Variants in PCDH15 observed in about 807,000 individuals in gnomAD.
The protein encoded by PCDH15 is protocadherin-15.
A neutral mutation model predicts 178.5 loss-of-function variants in PCDH15; 129 were observed. The ratio of observed to expected loss-of-function variants is 0.72; its 90% confidence interval spans 0.63 to 0.84. The LOEUF is 0.84. Among genes scored for constraint, PCDH15 ranks in the 40% least tolerant of loss-of-function variants. The pLI is 0.00. For missense variants in PCDH15, 2,230 were observed against 2,099.9 expected, an observed-to-expected ratio of 1.06 and a Z score of -1.21; for synonymous variants, 800 against 732.0, an observed-to-expected ratio of 1.09 and a Z score of -1.50.
chr10:54,841,672 A>G (rs902999057), intron 3 of PCDH15, among the ~76,000 whole-genome samples: 1 of 151,826 alleles, frequency 6.6e-6, no homozygotes, highest in African/African-American at 2.4e-5. Context: ...TTAAGCTAAT[A>G]TTTTCTCCAA....
chr10:54,863,960 G>A (rs1432468970), intron 3 of PCDH15, among the ~76,000 whole-genome samples: 1 of 152,124 alleles, frequency 6.6e-6, no homozygotes, highest in Admixed American at 6.6e-5. Flanking sequence ...TTAAATAACT[G>A]ATCATATTTA....
At chr10:54,907,020 A>G (rs1350451362) in intron 2 of PCDH15, among the ~76,000 whole-genome samples, 1 of 152,126 alleles carries the variant, frequency 6.6e-6, no homozygotes, top group African/African-American at 2.4e-5. Flanking sequence ...TAATGGATCC[A>G]TGTTTTCTGC....
intron 2 of PCDH15, among the ~76,000 whole-genome samples, chr10:55,055,486 C>G (rs1442010548): frequency 6.6e-6 from 1 of 152,064 alleles, no homozygotes; most frequent in Non-Finnish European, 1.5e-5. Flanking sequence ...CATTTTGAAA[C>G]AACATAATAC....
chr10:54,890,596 C>T (rs1005826759), intron 3 of PCDH15, among the ~76,000 whole-genome samples: 1 of 151,820 alleles, frequency 6.6e-6, no homozygotes, highest in African/African-American at 2.4e-5. Flanking sequence ...CTTTTAGGCT[C>T]CATGTTTGAC....
At chr10:55,053,210 GC>G (rs1365286008) in intron 2 of PCDH15, among the ~76,000 whole-genome samples, 6 of 152,078 alleles carry the variant, frequency 3.9e-5, no homozygotes, top group African/African-American at 1.2e-4. Flanking sequence ...TTGACTGTCA[GC>G]CTAATTGGAA....
intron 20 of PCDH15, among the ~76,000 whole-genome samples, chr10:54,009,740 A>G (rs1370386238): frequency 6.6e-6 from 1 of 152,142 alleles, no homozygotes; most frequent in Non-Finnish European, 1.5e-5. Flanking sequence ...AACAGTGAGT[A>G]AGTGAGTCCC....
intron 2 of PCDH15, among the ~76,000 whole-genome samples, chr10:55,152,084 A>G (rs942732372): frequency 3.9e-5 from 6 of 152,108 alleles, no homozygotes; most frequent in Admixed American, 6.6e-5. Context: ...TCTTGGTCAT[A>G]TTAGGTTTTC....
intron 2 of PCDH15, among the ~76,000 whole-genome samples, chr10:55,621,303 A>T (rs773245136): frequency 6.6e-5 from 10 of 152,322 alleles, no homozygotes; most frequent in South Asian, 4.1e-4. Flanking sequence ...AAGCCCACAG[A>T]TTATTTAATA....
intron 20 of PCDH15, 88 bp downstream of exon 20, chr10:54,020,104 C>T: frequency 8.7e-7 from 1 of 1,154,342 alleles, no homozygotes; most frequent in Non-Finnish European, 1.3e-6. Flanking sequence ...GAATTGTTAT[C>T]AAAACATATT....
intron 2 of PCDH15, among the ~76,000 whole-genome samples, chr10:55,585,442 G>A (rs7915703): frequency 0.32 from 48,940 of 152,006 alleles, 8,425 homozygotes; most frequent in East Asian, 0.49. Flanking sequence ...ATTTTGAGAG[G>A]CCAAGGAGGG....
intron 1 of PCDH15, among the ~76,000 whole-genome samples, chr10:55,223,889 GT>G (rs1486981012): frequency 6.6e-6 from 1 of 152,086 alleles, no homozygotes; most frequent in Non-Finnish European, 1.5e-5. Flanking sequence ...TTACCTTTCA[GT>G]TTACCGCACA....
intron 20 of PCDH15, among the ~76,000 whole-genome samples, chr10:54,004,273 G>C (rs2092300094): frequency 6.6e-6 from 1 of 151,926 alleles, no homozygotes; most frequent in African/African-American, 2.4e-5. Context: ...TATAGTACTG[G>C]AAGTCTTAGC....
intron 3 of PCDH15, among the ~76,000 whole-genome samples, chr10:54,866,521 T>C (rs986305064): frequency 3.3e-5 from 5 of 152,202 alleles, no homozygotes; most frequent in Admixed American, 1.3e-4. Flanking sequence ...AAGATAGCAA[T>C]TGTTTTCTAA....
intron 35 of PCDH15, among the ~76,000 whole-genome samples, chr10:53,814,981 AT>A (rs1159819469): frequency 2.7e-5 from 4 of 150,644 alleles, no homozygotes; most frequent in African/African-American, 9.9e-5. Context: ...AAAAAAAAAA[AT>A]CGAGTAAGGA....
intron 3 of PCDH15, among the ~76,000 whole-genome samples, chr10:54,845,252 G>A (rs1301981939): frequency 6.6e-6 from 1 of 151,790 alleles, no homozygotes; most frequent in African/African-American, 2.4e-5. Flanking sequence ...CAATGGAATA[G>A]CTATTCCTGA....
chr10:55,153,777 A>G (rs998426328), intron 2 of PCDH15, among the ~76,000 whole-genome samples: 2 of 152,200 alleles, frequency 1.3e-5, no homozygotes, highest in African/African-American at 4.8e-5. Context: ...GTTCAAGAAC[A>G]TGAATGTCTA....
chr10:55,483,623 T>A (rs1228116470), intron 2 of PCDH15, among the ~76,000 whole-genome samples: 3 of 151,674 alleles, frequency 2.0e-5, no homozygotes, highest in Non-Finnish European at 4.4e-5. Context: ...GCAATCCCAT[T>A]ACCACATATA....
chr10:54,168,584 T>C (rs2046516465), intron 13 of PCDH15, among the ~76,000 whole-genome samples: 1 of 152,164 alleles, frequency 6.6e-6, no homozygotes, highest in Non-Finnish European at 1.5e-5. Flanking sequence ...AGCAATTTAC[T>C]CTTAAAAAGG....
At chr10:55,241,007 G>A (rs941025409) in intron 1 of PCDH15, among the ~76,000 whole-genome samples, 2 of 152,156 alleles carry the variant, frequency 1.3e-5, no homozygotes, top group African/African-American at 4.8e-5. Context: ...ACGAGGTCAG[G>A]AGATCGAGAC....
Sources: gnomAD v4.1 joint callset for allele counts (sites outside exome capture counted in the v4.1 genomes callset) on GRCh38, gnomAD v4.1.1 for gene constraint, MANE v1.5 for transcripts, NCBI Gene and HGNC (gene_info 2026-07-23, HGNC 2026-07-21) for gene names.